The following MEIS2 variants were observed in gnomAD, a reference collection of about 807,000 sequenced individuals.
MEIS2 encodes Meis homeobox 2.
In MEIS2, 9 loss-of-function variants were observed where a neutral mutation model predicts 58.6. The observed-to-expected ratio is 0.15, with a 90% CI of 0.09 to 0.27. The LOEUF is 0.27. Ranked by LOEUF, MEIS2 falls within the 10% of genes least tolerant of loss-of-function variation. The probability of loss-of-function intolerance (pLI) is 1.00; values close to 1 mark genes in which losing one functional copy is unlikely to be tolerated. For missense variants in MEIS2, 427 were observed against 635.0 expected (o/e 0.67, Z 3.52); for synonymous variants, 221 against 228.4 (o/e 0.97, Z 0.29).
chr15:37,001,388 C>A (rs1266830929), intron 8 of MEIS2, among the ~76,000 whole-genome samples: 1 of 152,156 alleles, frequency 6.6e-6, no homozygotes, highest in East Asian at 1.9e-4. Context: ...TTTAGTTCTG[C>A]ATTTCAAATG....
intron 9 of MEIS2, among the ~76,000 whole-genome samples, chr15:36,947,766 A>G (rs540913596): frequency 6.6e-6 from 1 of 151,700 alleles, no homozygotes; most frequent in East Asian, 1.9e-4. Context: ...TTGACTGAGC[A>G]CTCTCAGGGC....
chr15:37,003,385 C>G (rs2060806358), intron 8 of MEIS2, among the ~76,000 whole-genome samples: 1 of 151,922 alleles, frequency 6.6e-6, no homozygotes, highest in Non-Finnish European at 1.5e-5. Context: ...GCTAAATTTT[C>G]TGTTTTAAAA....
At chr15:37,022,827 TTG>T (rs1194499713) in intron 8 of MEIS2, among the ~76,000 whole-genome samples, 1 of 151,920 alleles carries the variant, frequency 6.6e-6, no homozygotes, top group Non-Finnish European at 1.5e-5. Flanking sequence ...CGGCTAATTT[TTG>T]TATTTTTAGT....
intron 8 of MEIS2, among the ~76,000 whole-genome samples, chr15:37,013,626 T>TAA (rs1163144652): frequency 6.7e-6 from 1 of 148,420 alleles, no homozygotes; most frequent in African/African-American, 2.4e-5. Flanking sequence ...CATATATATA[T>TAA]AATACATATA....
chr15:37,054,859 T>C (rs926795986), intron 7 of MEIS2, among the ~76,000 whole-genome samples: 1 of 152,268 alleles, frequency 6.6e-6, no homozygotes, highest in Admixed American at 6.5e-5. Context: ...CATTCTATTA[T>C]ATGCCGCTAG....
chr15:36,928,246 C>T (rs573710297), intron 9 of MEIS2, among the ~76,000 whole-genome samples: 38 of 152,244 alleles, frequency 2.5e-4, no homozygotes, highest in Non-Finnish European at 4.7e-4. Flanking sequence ...TAATCTCCTA[C>T]CATATGCAGA....
chr15:37,060,681 A>G (rs1226234643), intron 7 of MEIS2, among the ~76,000 whole-genome samples: 3 of 152,234 alleles, frequency 2.0e-5, no homozygotes, highest in Admixed American at 2.0e-4. Context: ...CAGCTAAACA[A>G]GGTGAATAAA....
At chr15:37,099,144 C>G (rs1429804203) in intron 1 of MEIS2, 2 of 1,152,508 alleles carry the variant, frequency 1.7e-6, no homozygotes, top group East Asian at 4.2e-5. Flanking sequence ...AAAGCTGGAG[C>G]GAGGCGAAAG....
intron 8 of MEIS2, among the ~76,000 whole-genome samples, chr15:37,015,669 A>T (rs746205556): frequency 6.6e-6 from 1 of 152,112 alleles, no homozygotes; most frequent in Non-Finnish European, 1.5e-5. Context: ...GCTCTAGGAA[A>T]GGAGGAGCAA....
chr15:37,098,343 A>C, intron 1 of MEIS2, 144 bp from the exon 2 acceptor site: 1 of 1,206,668 alleles, frequency 8.3e-7, no homozygotes. Context: ...GGGAGGTAAG[A>C]GAGAAGAGAG....
chr15:36,916,710 G>A (rs1214267746), intron 9 of MEIS2, among the ~76,000 whole-genome samples: 3 of 152,146 alleles, frequency 2.0e-5, no homozygotes, highest in Admixed American at 2.0e-4. Flanking sequence ...TGAGATTATA[G>A]GTGTAAGCCA....
At chr15:36,943,193 C>G (rs2058435580) in intron 9 of MEIS2, among the ~76,000 whole-genome samples, 1 of 152,108 alleles carries the variant, frequency 6.6e-6, no homozygotes, top group African/African-American at 2.4e-5. Flanking sequence ...AAGTCAATAT[C>G]ATTCTTTTAA....
At chr15:37,016,653 TG>T (rs2061359667) in intron 8 of MEIS2, among the ~76,000 whole-genome samples, 1 of 152,118 alleles carries the variant, frequency 6.6e-6, no homozygotes, top group Non-Finnish European at 1.5e-5. Context: ...CCTACTATTA[TG>T]CATATAATAG....
intron 9 of MEIS2, among the ~76,000 whole-genome samples, chr15:36,909,475 A>C (rs2056898731): frequency 6.6e-6 from 1 of 152,190 alleles, no homozygotes; most frequent in South Asian, 2.1e-4. Context: ...CCCTGAGTTT[A>C]AGGATTTTCT....
intron 9 of MEIS2, among the ~76,000 whole-genome samples, chr15:36,898,919 A>G (rs1337761130): frequency 6.6e-6 from 1 of 152,244 alleles, no homozygotes; most frequent in Non-Finnish European, 1.5e-5. Context: ...CTCCAGTATA[A>G]CATTTTCAAC....
intron 7 of MEIS2, among the ~76,000 whole-genome samples, chr15:37,055,556 C>T (rs757788929): frequency 5.9e-5 from 9 of 152,144 alleles, no homozygotes; most frequent in Non-Finnish European, 1.2e-4. Flanking sequence ...TTCAACCTTG[C>T]TGTAAGCAGT....
intron 8 of MEIS2, among the ~76,000 whole-genome samples, chr15:36,970,657 T>C (rs2059520563): frequency 6.6e-6 from 1 of 152,210 alleles, no homozygotes; most frequent in Non-Finnish European, 1.5e-5. Flanking sequence ...TTCTGACACT[T>C]GTCTTTATTG....
At chr15:36,956,549 G>A (rs1039225116) in intron 8 of MEIS2, among the ~76,000 whole-genome samples, 1 of 152,090 alleles carries the variant, frequency 6.6e-6, no homozygotes, top group African/African-American at 2.4e-5. Flanking sequence ...TAGGTTAATG[G>A]GAGTCAGTTA....
chr15:37,062,838 C>T (rs944438734), intron 7 of MEIS2, among the ~76,000 whole-genome samples: 1 of 152,160 alleles, frequency 6.6e-6, no homozygotes, highest in African/African-American at 2.4e-5. Flanking sequence ...TAATCATCAT[C>T]CTGTTCATCA....
Sources: gnomAD v4.1 joint callset for allele counts (sites outside exome capture counted in the v4.1 genomes callset) on GRCh38, gnomAD v4.1.1 for gene constraint, MANE v1.5 for transcripts, NCBI Gene and HGNC (gene_info 2026-07-23, HGNC 2026-07-21) for gene names.